SERGEF: variants seen among roughly 807,000 people sequenced by gnomAD.
The protein encoded by SERGEF is secretion-regulating guanine nucleotide exchange factor.
In SERGEF, 51 loss-of-function variants were observed where a neutral mutation model predicts 50.0. The ratio of observed to expected loss-of-function variants is 1.02; its 90% CI spans 0.81 to 1.29. The LOEUF (loss-of-function observed/expected upper bound fraction) is 1.29. SERGEF is among the 50% of genes most tolerant of loss of function. The pLI, the probability that SERGEF is intolerant of heterozygous loss-of-function variation, is 0.00. For missense variants in SERGEF, 521 were observed against 557.0 expected (o/e 0.94, Z 0.65); for synonymous variants, 205 against 212.4 (o/e 0.97, Z 0.30).
intron 9 of SERGEF, among the ~76,000 whole-genome samples, chr11:17,954,977 T>A (rs933665969): frequency 2.6e-5 from 4 of 152,212 alleles, no homozygotes; most frequent in Non-Finnish European, 5.9e-5. Flanking sequence ...AGACAATGTA[T>A]GTGAAGGTCA....
At chr11:17,820,293 G>C (rs570539010) in intron 10 of SERGEF, among the ~76,000 whole-genome samples, 6 of 151,048 alleles carry the variant, frequency 4.0e-5, no homozygotes, top group Non-Finnish European at 5.9e-5. Flanking sequence ...GCCTGCTCTC[G>C]ATCCTCTAAC....
At chr11:17,989,900 A>G (rs2283234) in intron 7 of SERGEF, among the ~76,000 whole-genome samples, 3 of 152,270 alleles carry the variant, frequency 2.0e-5, no homozygotes, top group Non-Finnish European at 4.4e-5. Context: ...TTAAGTAGAT[A>G]TATTATTAAA....
At chr11:17,964,415 G>A (rs1853076722) in intron 8 of SERGEF, among the ~76,000 whole-genome samples, 1 of 152,184 alleles carries the variant, frequency 6.6e-6, no homozygotes, top group Non-Finnish European at 1.5e-5. Context: ...GGATGTCTGA[G>A]CTCTTCAGGG....
At chr11:17,852,003 T>C (rs1590156142) in intron 10 of SERGEF, among the ~76,000 whole-genome samples, 1 of 152,332 alleles carries the variant, frequency 6.6e-6, no homozygotes, top group East Asian at 1.9e-4. Flanking sequence ...GGAAACCAGG[T>C]TGTTTCACTC....
rs892667292 is a variant in SERGEF at position 17,884,994 on chromosome 11, T to G, written c.1012-6750A>C. Among the ~76,000 whole-genome samples, 1 of 152,170 alleles carries G rather than the reference T, an allele frequency of 6.6e-6. No homozygotes were observed. The highest frequency in any genetic ancestry group is 1.5e-5 in the Non-Finnish European group (1 of 68,018). On this transcript the variant is annotated intron_variant, in intron 9 of 10. Transcript: ENST00000265965. This position sits in a 1 kb window ranked among gnomAD's most constrained non-coding sequence, Gnocchi z 4.6. ...AACCCGCTCAGAGCAGTTAAGTCAC[T>G]GGTCCCAGGTCTGCTTTGGTCCAAA...
intron 10 of SERGEF, among the ~76,000 whole-genome samples, chr11:17,841,342 G>A (rs1465067236): frequency 1.3e-5 from 2 of 152,194 alleles, no homozygotes; most frequent in Non-Finnish European, 2.9e-5. Context: ...TTAGCTTAGC[G>A]AATGGCAGGG....
intron 8 of SERGEF, among the ~76,000 whole-genome samples, chr11:17,967,731 T>G (rs777090555): frequency 1.3e-5 from 2 of 152,184 alleles, no homozygotes; most frequent in Non-Finnish European, 2.9e-5. Flanking sequence ...CTCCCTTGCC[T>G]CTCTCAAAGC....
chr11:17,791,248 CTG>C (rs1461889377), intron 10 of SERGEF, among the ~76,000 whole-genome samples: 1 of 152,152 alleles, frequency 6.6e-6, no homozygotes, highest in Middle Eastern at 3.2e-3. Context: ...GAGTCTTTGT[CTG>C]TCTCTCTAAT....
At chr11:17,970,301 T>C (rs748140101) in intron 8 of SERGEF, among the ~76,000 whole-genome samples, 4 of 152,234 alleles carry the variant, frequency 2.6e-5, no homozygotes, top group South Asian at 2.1e-4. Context: ...TGATCATTGA[T>C]GTTACTACTG....
At chr11:17,938,031 C>T (rs1852488088) in intron 9 of SERGEF, among the ~76,000 whole-genome samples, 1 of 152,178 alleles carries the variant, frequency 6.6e-6, no homozygotes, top group South Asian at 2.1e-4. Flanking sequence ...ATGCCATCAC[C>T]AGCTTGGCCA....
At chr11:17,903,679 G>A (rs760860164) in intron 9 of SERGEF, among the ~76,000 whole-genome samples, 7 of 152,222 alleles carry the variant, frequency 4.6e-5, no homozygotes, top group Non-Finnish European at 8.8e-5. Context: ...AATTGTTCAG[G>A]TGGCAGCAAA....
intron 10 of SERGEF, among the ~76,000 whole-genome samples, chr11:17,838,630 G>C (rs1850448739): frequency 6.6e-6 from 1 of 152,120 alleles, no homozygotes; most frequent in Non-Finnish European, 1.5e-5. Context: ...CTCAGACAGG[G>C]AAAGCTACTT....
At chr11:17,986,162 G>T (rs1853591682) in intron 8 of SERGEF, among the ~76,000 whole-genome samples, 1 of 152,160 alleles carries the variant, frequency 6.6e-6, no homozygotes. Context: ...CTGACCCTGT[G>T]AGGAAATCTT....
At chr11:17,830,334 G>A (rs1850270535) in intron 10 of SERGEF, among the ~76,000 whole-genome samples, 1 of 152,176 alleles carries the variant, frequency 6.6e-6, no homozygotes, top group South Asian at 2.1e-4. Context: ...CTTTCCTGGA[G>A]CTATTCATTC....
At chr11:17,969,171 G>A (rs1853193548) in intron 8 of SERGEF, among the ~76,000 whole-genome samples, 1 of 152,188 alleles carries the variant, frequency 6.6e-6, no homozygotes, top group African/African-American at 2.4e-5. Flanking sequence ...GCTCTGAGAT[G>A]TGCCGGCTGA....
chr11:17,803,239 T>C (rs1282939394), intron 10 of SERGEF, among the ~76,000 whole-genome samples: 1 of 152,234 alleles, frequency 6.6e-6, no homozygotes, highest in Non-Finnish European at 1.5e-5. Context: ...TTATCAGAGC[T>C]AGAGGTTGAA....
In SERGEF at chr11:17,896,714, G is replaced by GGAAGGGTAACGGAAGGGTAAC. The variant is rs1565197974; in HGVS notation, c.1012-18471_1012-18470insGTTACCCTTCCGTTACCCTTC. Among the ~76,000 whole-genome samples the GGAAGGGTAACGGAAGGGTAAC allele has an allele frequency of 2.5e-4, 13 of 51,784 alleles. 1 individual carries two copies. Among genetic ancestry groups the GGAAGGGTAACGGAAGGGTAAC allele is most frequent in the Non-Finnish European group, 5.2e-4 (11 of 21,062 alleles). The allele number at this position is 51,784 out of a possible 152,430, so 34.0% of individuals were successfully genotyped here. A position where few individuals can be genotyped will look rare whatever the true frequency, so the allele number is the denominator to read the frequency against. On this transcript the variant is annotated intron_variant, in intron 9 of 10. Transcript: ENST00000265965. Reference sequence around the variant, plus strand: ...AAGGGGAAGGGTAAGGGAAGGGTAAGGGAAGGGTAACGGAAGGGTAACGGA... The same window carrying GGAAGGGTAACGGAAGGGTAAC: ...AAGGGGAAGGGTAAGGGAAGGGTAAGGAAGGGTAACGGAAGGGTAACGGAAGGGTAACGGAAGGGTAACGGA...
At chr11:17,795,922 A>C (rs1158661050) in intron 10 of SERGEF, among the ~76,000 whole-genome samples, 2 of 152,210 alleles carry the variant, frequency 1.3e-5, no homozygotes, top group Admixed American at 6.5e-5. Flanking sequence ...GGCTTCAAGA[A>C]CATTCACCAG....
intron 9 of SERGEF, among the ~76,000 whole-genome samples, chr11:17,907,688 A>C (rs1219196218): frequency 1.3e-5 from 2 of 152,178 alleles, no homozygotes; most frequent in Non-Finnish European, 2.9e-5. Flanking sequence ...TCAAATTGTC[A>C]CTCAGGTTTC....
Sources: gnomAD v4.1 joint callset for allele counts (sites outside exome capture counted in the v4.1 genomes callset) on GRCh38, gnomAD v4.1.1 for gene constraint, Gnocchi (gnomAD v3.1) non-coding constraint, MANE v1.5 for transcripts, NCBI Gene and HGNC (gene_info 2026-07-23, HGNC 2026-07-21) for gene names.